ATP8B4: variants seen among roughly 807,000 people sequenced by gnomAD.
ATP8B4 encodes the protein probable phospholipid-transporting ATPase IM.
ATP8B4 carries 133 observed loss-of-function variants against 145.6 expected under a neutral mutation model. That is an observed-to-expected ratio of 0.91 (90% confidence interval 0.79 to 1.05). The LOEUF (loss-of-function observed/expected upper bound fraction) is 1.05. Among genes scored for constraint, ATP8B4 ranks in the 50% least tolerant of loss-of-function variants. The probability of loss-of-function intolerance (pLI) is 0.00; values close to 1 mark genes in which losing one functional copy is unlikely to be tolerated. For synonymous variants in ATP8B4, 507 were observed against 492.9 expected (o/e 1.03, Z -0.38); for missense variants, 1,458 against 1,425.2 (o/e 1.02, Z -0.37).
rs868673723 is a variant in ATP8B4, at chr15:50,023,531, C to T, written c.363-12614G>A. ...CTAAAATGCTCCCTATTTAATAGGGCCTCTGTTGCTTATTGTTTTCCTATC... is the reference window on the plus strand; with the variant it reads ...CTAAAATGCTCCCTATTTAATAGGGTCTCTGTTGCTTATTGTTTTCCTATC... On this transcript the variant is annotated intron_variant, in intron 6 of 27. Coordinates refer to ENST00000284509, the MANE Select transcript of ATP8B4 (RefSeq NM_024837.4). Among the ~76,000 whole-genome samples the T allele has an allele frequency of 1.4e-3, 213 of 152,160 alleles. 1 individual carries two copies. Among genetic ancestry groups the T allele is most frequent in the African/African-American group, 4.8e-3 (198 of 41,526 alleles).
At position 49,876,384 on chromosome 15, in the gene ATP8B4, T is replaced by G. The variant is rs576137751; in HGVS notation, c.2921A>C (p.Tyr974Ser). The G allele has an allele frequency of 1.2e-6, 2 of 1,613,952 alleles. No individual in the cohort carries two copies. The highest frequency in any genetic ancestry group is 2.7e-5 in the African/African-American group (2 of 74,930). The change falls in exon 25 of 28, where the codon TAT becomes TCT. Residue 974 changes from tyrosine (Y) to serine (S), a missense_variant. Physicochemically the swap from Tyr to Ser is moderately radical, Grantham distance 144. Coordinates refer to ENST00000284509, the MANE Select transcript of ATP8B4 (RefSeq NM_024837.4). Reference sequence around the variant, plus strand: ...TCCAGCCACGTTGTAAAAGGCCCCATAGGGGATGAAGAAAAGGACTAATGA... The same window carrying G: ...TCCAGCCACGTTGTAAAAGGCCCCAGAGGGGATGAAGAAAAGGACTAATGA... Reference protein sequence around the residue: ...YTSLVLFFIPYGAFYNVAGED... With the variant: ...YTSLVLFFIPSGAFYNVAGED...
At chr15:49,899,817 C>G (rs980497951) in intron 21 of ATP8B4, among the ~76,000 whole-genome samples, 2 of 152,136 alleles carry the variant, frequency 1.3e-5, no homozygotes, top group Non-Finnish European at 2.9e-5. Context: ...GTCAAGTCTC[C>G]TTAAATTAAA....
At chr15:49,863,641 C>T (rs755354226) in intron 26 of ATP8B4, among the ~76,000 whole-genome samples, 3 of 152,146 alleles carry the variant, frequency 2.0e-5, no homozygotes, top group Non-Finnish European at 4.4e-5. Flanking sequence ...AGACAGGAAT[C>T]TGCCTACCCA....
rs771510074 is a variant in ATP8B4, at chr15:49,859,965, C to A, written c.*229G>T. On this transcript the variant is annotated 3_prime_UTR_variant, in exon 28 of 28. Transcript: ENST00000284509. ...AAAAAAAAATCTGTACTTGTAACAG[C>A]GAGTGTTTTGTCCACCAAATCACAA... The A allele has an allele frequency of 1.0e-5, 5 of 481,726 alleles. No homozygotes were observed. Among genetic ancestry groups the A allele is most frequent in the Non-Finnish European group, 1.8e-5 (5 of 279,988 alleles). 29.8% of individuals were successfully genotyped at this position (481,726 alleles called of 1,614,324 possible).
At chr15:49,869,263 TA>T (rs71424035) in intron 25 of ATP8B4, among the ~76,000 whole-genome samples, 28,684 of 150,024 alleles carry the variant, frequency 0.19, 3,338 homozygotes, top group Non-Finnish European at 0.27. Flanking sequence ...ATGAAAAAGT[TA>T]AAAAAAAAAT....
chr15:49,972,725 C>A lies in ATP8B4; in HGVS notation c.1100G>T (p.Arg367Leu). 6.2e-7 allele frequency: 1 copy of A among 1,613,882 alleles called. No individual in the cohort carries two copies. The highest frequency in any genetic ancestry group is 1.1e-5 in the South Asian group (1 of 91,056). Reference sequence around the variant, plus strand: ...TCGAGCCACTGCAGGTATTGCTTTTCGAGAATAATACATCTTCCGGTCCCA... The same window carrying A: ...TCGAGCCACTGCAGGTATTGCTTTTAGAGAATAATACATCTTCCGGTCCCA... ...INWDRKMYYS[R>L]KAIPAVARTT... The change falls in exon 13 of 28, where the codon CGA (arginine) becomes CTA (leucine). Residue 367 changes from arginine to leucine, a missense_variant. By Grantham distance (102) the Arg-to-Leu change is moderately radical (BLOSUM62 -2). Coordinates refer to ENST00000284509, the MANE Select transcript of ATP8B4 (RefSeq NM_024837.4).
chr15:50,066,445 C>G (rs976741958), intron 3 of ATP8B4, among the ~76,000 whole-genome samples: 1 of 152,110 alleles, frequency 6.6e-6, no homozygotes, highest in African/African-American at 2.4e-5. Flanking sequence ...CATCTGTACT[C>G]TTTAGTTGGT....
intron 1 of ATP8B4, among the ~76,000 whole-genome samples, chr15:50,124,410 C>G (rs11638841): frequency 0.31 from 46,630 of 151,796 alleles, 8,159 homozygotes; most frequent in Middle Eastern, 0.47. Flanking sequence ...TTAAGTTTTA[C>G]TTATTACTCA....
At chr15:50,142,965 A>T (rs1163940747) in intron 1 of ATP8B4, among the ~76,000 whole-genome samples, 1 of 152,194 alleles carries the variant, frequency 6.6e-6, no homozygotes, top group African/African-American at 2.4e-5. Context: ...TATAATGCAT[A>T]GGAAGGAGTT....
intron 1 of ATP8B4, among the ~76,000 whole-genome samples, chr15:50,129,462 T>A (rs979994217): frequency 6.6e-6 from 1 of 152,094 alleles, no homozygotes; most frequent in African/African-American, 2.4e-5. Flanking sequence ...CCCTCCACAC[T>A]CTCCCTCTAT....
chr15:50,176,575 C>A (rs1259615267), intron 1 of ATP8B4, among the ~76,000 whole-genome samples: 1 of 151,262 alleles, frequency 6.6e-6, no homozygotes, highest in African/African-American at 2.4e-5. Flanking sequence ...TAATAAAATC[C>A]AAAAAAGAGT....
At chr15:49,912,739 ATC>A (rs2039358954) in intron 20 of ATP8B4, among the ~76,000 whole-genome samples, 1 of 152,164 alleles carries the variant, frequency 6.6e-6, no homozygotes, top group African/African-American at 2.4e-5. Flanking sequence ...ACAGATCAAT[ATC>A]TCTGATGAAC....
intron 1 of ATP8B4, among the ~76,000 whole-genome samples, chr15:50,168,826 TG>T (rs1457461427): frequency 6.6e-6 from 1 of 152,020 alleles, no homozygotes; most frequent in Non-Finnish European, 1.5e-5. Flanking sequence ...GAAACAGACT[TG>T]GGGCCGTTGG....
chr15:49,864,478 C>T (rs925925369), intron 26 of ATP8B4, among the ~76,000 whole-genome samples: 5 of 152,282 alleles, frequency 3.3e-5, no homozygotes, highest in South Asian at 4.1e-4. Flanking sequence ...TAGATGAACT[C>T]GGTTAGCAGC....
At chr15:49,875,463 G>C (rs762665443) in intron 25 of ATP8B4, among the ~76,000 whole-genome samples, 2 of 152,176 alleles carry the variant, frequency 1.3e-5, no homozygotes, top group Non-Finnish European at 2.9e-5. Context: ...AGTTTGCTCA[G>C]TAATCAAAAG....
chr15:50,177,385 T>C (rs2044779210), intron 1 of ATP8B4, among the ~76,000 whole-genome samples: 1 of 152,216 alleles, frequency 6.6e-6, no homozygotes, highest in South Asian at 2.1e-4. Context: ...TTCCAGGAAA[T>C]TGAATTCTAG....
chr15:49,976,814 G>C (rs1166627359), intron 12 of ATP8B4, among the ~76,000 whole-genome samples: 1 of 152,076 alleles, frequency 6.6e-6, no homozygotes, highest in African/African-American at 2.4e-5. Context: ...CAATAGCAGA[G>C]AAAAGGAGAA....
At chr15:49,904,070 T>C (rs1277410937) in intron 20 of ATP8B4, among the ~76,000 whole-genome samples, 1 of 152,132 alleles carries the variant, frequency 6.6e-6, no homozygotes, top group Non-Finnish European at 1.5e-5. Flanking sequence ...TTATCTGACC[T>C]CTAGCCACTT....
intron 2 of ATP8B4, among the ~76,000 whole-genome samples, chr15:50,098,140 C>T (rs2056104055): frequency 6.6e-6 from 1 of 151,914 alleles, no homozygotes; most frequent in Admixed American, 6.6e-5. Flanking sequence ...AATTCTTATG[C>T]TATTGATCTG....
Sources: allele counts gnomAD v4.1 joint callset (sites outside exome capture counted in the v4.1 genomes callset), GRCh38; gene constraint gnomAD v4.1.1; transcripts MANE v1.5; gene names NCBI Gene and HGNC (gene_info 2026-07-23, HGNC 2026-07-21).